RIMBP2: variants seen among roughly 807,000 people sequenced by gnomAD.
RIMBP2 encodes RIMS binding protein 2.
A neutral mutation model predicts 118.6 loss-of-function variants in RIMBP2; 48 were observed. The ratio of observed to expected loss-of-function variants is 0.40; its 90% CI spans 0.32 to 0.51. The LOEUF is 0.51. RIMBP2 is among the 20% of genes least tolerant of loss of function. The probability of loss-of-function intolerance (pLI) is 0.41; values close to 1 mark genes in which losing one functional copy is unlikely to be tolerated. For missense variants in RIMBP2, 1,551 were observed against 1,768.3 expected (o/e 0.88, Z 2.20); for synonymous variants, 762 against 742.9 (o/e 1.03, Z -0.42).
In RIMBP2 at chr12:130,578,372, C is replaced by G. The variant is rs943661959; in HGVS notation, c.-217+49950G>C. 2.6e-5 allele frequency among the ~76,000 whole-genome samples: 4 copies of G among 152,216 alleles called. No homozygotes were observed. The highest frequency in any genetic ancestry group is 4.8e-5 in the African/African-American group (2 of 41,458). On this transcript the variant is annotated intron_variant, in intron 2 of 22. Coordinates refer to ENST00000690449, the MANE Select transcript of RIMBP2 (RefSeq NM_001393629.1). The surrounding 1 kb of genome is among the most constrained non-coding windows in gnomAD (Gnocchi z 4.1). ...TGCTCTGCCCTAGAATCCAACATGG[C>G]TCCCAGCTGCCAGCAGTACAAAGTG... is the stretch of plus-strand genomic sequence containing the variant.
Position 130,424,302 on chromosome 12 carries a change from TG to T in RIMBP2, c.2968del (p.Gln990SerfsTer31). 8.1e-7 allele frequency: 1 copy of T among 1,231,640 alleles called. No individual in the cohort carries two copies. 76.3% of individuals were successfully genotyped at this position (1,231,640 alleles called of 1,614,324 possible). Reference sequence around the variant, plus strand: ...GGGGGGCGGCCTCTCCGGGCCGGGCTGGGGGTCGTCGTTCCTGAGGAGGCCA... The same window carrying T: ...GGGGGGCGGCCTCTCCGGGCCGGGCTGGGGTCGTCGTTCCTGAGGAGGCCA... ...PGGLLRNDDPQPGPERPPPRK... is the reference protein window; with the variant it reads ...PGGLLRNDDPXPGPERPPPRK... On this transcript the variant is annotated frameshift_variant, in exon 16 of 23. Transcript: ENST00000690449. LOFTEE classifies it high-confidence loss of function. This position sits in a 1 kb window ranked among gnomAD's most constrained non-coding sequence, Gnocchi z 9.8.
At chr12:130,658,308 C>T (rs983849762) in intron 1 of RIMBP2, 6 of 152,212 alleles carry the variant, frequency 3.9e-5, no homozygotes, top group African/African-American at 1.4e-4. Flanking sequence ...GTCTAGCAGC[C>T]ACTGGTCCCG....
intron 2 of RIMBP2, among the ~76,000 whole-genome samples, chr12:130,572,963 G>C (rs1201859593): frequency 2.0e-5 from 3 of 152,116 alleles, no homozygotes. Flanking sequence ...CCCCCCGGGG[G>C]GACAGAGCTG....
chr12:130,564,331 G>GT (rs3996429), intron 2 of RIMBP2, among the ~76,000 whole-genome samples: 12 of 151,800 alleles, frequency 7.9e-5, no homozygotes, highest in Non-Finnish European at 1.6e-4. Context: ...TCAGCACTGT[G>GT]TTTTTTTCCC....
chr12:130,437,530 G>C (rs1473004083), intron 12 of RIMBP2, among the ~76,000 whole-genome samples: 1 of 152,210 alleles, frequency 6.6e-6, no homozygotes, highest in African/African-American at 2.4e-5. Flanking sequence ...CGTCAGGCCA[G>C]TGACGTCAAC....
chr12:130,662,400 G>A (rs1276344709), intron 1 of RIMBP2, among the ~76,000 whole-genome samples: 1 of 152,180 alleles, frequency 6.6e-6, no homozygotes, highest in South Asian at 2.1e-4. Context: ...GCTCACGCCT[G>A]TAATCCTAGC....
intron 1 of RIMBP2, among the ~76,000 whole-genome samples, chr12:130,691,928 G>A (rs556933758): frequency 9.9e-5 from 15 of 152,284 alleles, no homozygotes; most frequent in Admixed American, 5.9e-4. Context: ...GCAGGGGGAC[G>A]GGTTTCTAGA....
intron 4 of RIMBP2, among the ~76,000 whole-genome samples, chr12:130,485,178 G>A (rs995998320): frequency 1.3e-5 from 2 of 152,344 alleles, no homozygotes; most frequent in South Asian, 2.1e-4. Context: ...AGCTACCGCC[G>A]CATTGGTAAA....
chr12:130,506,704 C>T lies in RIMBP2; in HGVS notation c.-60G>A, dbSNP rs139789109. On this transcript the variant is annotated 5_prime_UTR_variant, in exon 4 of 23. In the 5' UTR this introduces an upstream ATG that the reference lacks. Transcript: ENST00000690449. ...GCTTGGAGCTGGTGTTTCTCCTTCACGGCCAAATCGCGCTCTCTGGTCACG... is the reference window on the plus strand; with the variant it reads ...GCTTGGAGCTGGTGTTTCTCCTTCATGGCCAAATCGCGCTCTCTGGTCACG... 7.1e-6 allele frequency: 7 copies of T among 985,726 alleles called. No individual in the cohort carries two copies. The highest frequency in any genetic ancestry group is 7.2e-6 in the Non-Finnish European group (6 of 829,926). 61.1% of individuals were successfully genotyped at this position (985,726 alleles called of 1,614,324 possible).
chr12:130,591,565 G>A (rs2059267706), intron 2 of RIMBP2, among the ~76,000 whole-genome samples: 1 of 152,090 alleles, frequency 6.6e-6, no homozygotes, highest in African/African-American at 2.4e-5. Flanking sequence ...GGGCTCCCTT[G>A]AGAGGCTCCG....
chr12:130,645,835 T>G (rs1369205510), intron 1 of RIMBP2, among the ~76,000 whole-genome samples: 1 of 152,200 alleles, frequency 6.6e-6, no homozygotes, highest in Non-Finnish European at 1.5e-5. Context: ...TAGAAAGATT[T>G]CTTACCAACA....
In RIMBP2 at chr12:130,422,594, T is replaced by C. The variant is rs1484232393; in HGVS notation, c.3130-33A>G. The C allele has an allele frequency of 6.8e-7, 1 of 1,469,184 alleles. No individual in the cohort carries two copies. The allele number at this position is 1,469,184 out of a possible 1,614,324, so 91.0% of individuals were successfully genotyped here. On this transcript the variant is annotated intron_variant, in intron 16 of 22. Transcript: ENST00000690449. The surrounding 1 kb of genome is among the most constrained non-coding windows in gnomAD (Gnocchi z 5.2). ...CAAAACAACAACAAAGTCGTAAGTC[T>C]CGCCAGCATTGGGAACTGAAGAATT... is the stretch of plus-strand genomic sequence containing the variant.
intron 14 of RIMBP2, chr12:130,428,770 G>T: frequency 6.4e-6 from 1 of 156,250 alleles, no homozygotes; most frequent in Non-Finnish European, 1.4e-5. Flanking sequence ...AGAGGCAGGG[G>T]GATAGTGGTA....
chr12:130,481,959 C>A (rs1469734298), intron 4 of RIMBP2, among the ~76,000 whole-genome samples: 1 of 152,156 alleles, frequency 6.6e-6, no homozygotes, highest in African/African-American at 2.4e-5. Context: ...ACCCACCGCC[C>A]ACCACCAGTT....
intron 1 of RIMBP2, among the ~76,000 whole-genome samples, chr12:130,640,479 C>T (rs1269682309): frequency 6.6e-6 from 1 of 152,148 alleles, no homozygotes; most frequent in African/African-American, 2.4e-5. Context: ...TTTCATTTTC[C>T]GTTTTAATGC....
chr12:130,397,095 C>T lies in RIMBP2; in HGVS notation c.*266G>A, dbSNP rs1053978643. 2.7e-5 allele frequency: 7 copies of T among 256,096 alleles called. No homozygotes were observed. Among genetic ancestry groups the T allele is most frequent in the East Asian group, 2.1e-4 (3 of 14,568 alleles). The allele number at this position is 256,096 out of a possible 1,614,324, so 15.9% of individuals were successfully genotyped here. Reference sequence around the variant, plus strand: ...GAGGGAGCTACAGGTGATAGCTATGCGCCCCCGTTTGTTAATAAGACGTCC... The same window carrying T: ...GAGGGAGCTACAGGTGATAGCTATGTGCCCCCGTTTGTTAATAAGACGTCC... On this transcript the variant is annotated 3_prime_UTR_variant, in exon 23 of 23. Coordinates refer to ENST00000690449, the MANE Select transcript of RIMBP2 (RefSeq NM_001393629.1).
intron 11 of RIMBP2, among the ~76,000 whole-genome samples, chr12:130,441,444 A>AATAATAATAATT (rs1018999932): frequency 2.2e-5 from 3 of 135,460 alleles, no homozygotes; most frequent in African/African-American, 8.0e-5. Context: ...TAATAATAAT[A>AATAATAATAATT]ATAATTTACA....
chr12:130,671,510 C>T (rs977678062), intron 1 of RIMBP2, among the ~76,000 whole-genome samples: 2 of 152,212 alleles, frequency 1.3e-5, no homozygotes, highest in African/African-American at 4.8e-5. Flanking sequence ...TCCTAGTCAC[C>T]AGCCTATCCC....
chr12:130,461,903 C>G lies in RIMBP2; in HGVS notation c.154-5203G>C, dbSNP rs559493106. On this transcript the variant is annotated intron_variant, in intron 6 of 22. Coordinates refer to ENST00000690449, the MANE Select transcript of RIMBP2 (RefSeq NM_001393629.1). The stretch of plus-strand genomic sequence containing the variant: ...TCATAAACCTTCATAAATGGCCCAG[C>G]CTCAGGCATTCCTTTATAGCAAGAA... 2.0e-5 allele frequency among the ~76,000 whole-genome samples: 3 copies of G among 152,314 alleles called. No homozygotes were observed. The East Asian group carries it at 5.8e-4, about 29-fold the overall frequency.
Sources: allele counts gnomAD v4.1 joint callset (sites outside exome capture counted in the v4.1 genomes callset), GRCh38; gene constraint gnomAD v4.1.1; non-coding constraint Gnocchi (gnomAD v3.1); transcripts MANE v1.5; gene names NCBI Gene and HGNC (gene_info 2026-07-23, HGNC 2026-07-21).